TRMT1: variants seen among roughly 807,000 people sequenced by gnomAD.
TRMT1 encodes tRNA (guanine(26)-N(2))-dimethyltransferase.
Under a neutral mutation model 75.4 loss-of-function variants are expected in TRMT1, and 63 were observed. The ratio of observed to expected loss-of-function variants is 0.84; its 90% CI spans 0.68 to 1.03. The LOEUF (loss-of-function observed/expected upper bound fraction) is 1.03, where lower values mean the gene tolerates loss of function less well. Ranked by LOEUF, TRMT1 falls within the 50% of genes least tolerant of loss-of-function variation. The probability of loss-of-function intolerance (pLI) is 0.00; values close to 1 mark genes in which losing one functional copy is unlikely to be tolerated. For synonymous variants in TRMT1, 382 were observed against 358.1 expected, an observed-to-expected ratio of 1.07 and a Z score of -0.75; for missense variants, 870 against 905.3, an observed-to-expected ratio of 0.96 and a Z score of 0.50.
chr19:13,113,934 G>A (rs969920077), intron 5 of TRMT1, among the ~76,000 whole-genome samples: 1 of 151,888 alleles, frequency 6.6e-6, no homozygotes, highest in Non-Finnish European at 1.5e-5. Flanking sequence ...TTGTAGAGAC[G>A]GGTTTCACTG....
At position 13,109,294 on chromosome 19, in the gene TRMT1, G is replaced by C. The variant is rs570198898; in HGVS notation, c.1397+87C>G. On this transcript the variant is annotated intron_variant, in intron 12 of 16. Coordinates refer to ENST00000357720, the MANE Select transcript of TRMT1 (RefSeq NM_001136035.4). ...TGCACCGGGTTCTCCCCACCCCCTC[G>C]CAAGTTCTATGCATGAGAATCCCTG... The C allele has an allele frequency of 9.4e-6, 14 of 1,488,022 alleles. No individual in the cohort carries two copies. The Admixed American group carries it at 2.1e-4, about 23-fold the overall frequency. The allele number at this position is 1,488,022 out of a possible 1,614,324, so 92.2% of individuals were successfully genotyped here.
intron 7 of TRMT1, among the ~76,000 whole-genome samples, chr19:13,111,649 C>T (rs1324792183): frequency 2.7e-5 from 4 of 150,922 alleles, no homozygotes; most frequent in South Asian, 2.1e-4. Flanking sequence ...CCGCCCACCT[C>T]GGCCTCCCAG....
rs746480206 is a variant in TRMT1, at chr19:13,109,108, G to GTA, written c.1397+271_1397+272dup. Among the ~76,000 whole-genome samples, 5 of 149,816 alleles carry GTA rather than the reference G, an allele frequency of 3.3e-5. No individual in the cohort carries two copies. The East Asian group carries it at 9.7e-4, about 29-fold the overall frequency. The stretch of plus-strand genomic sequence containing the variant: ...TGGGTGTGTGTGTGTGTGTGTGTGT[G>GTA]TATACATACGTATGTATGTGTGTGT... On this transcript the variant is annotated intron_variant, in intron 12 of 16. Transcript: ENST00000357720.
At chr19:13,109,729 A>G (rs1195341267) in intron 10 of TRMT1, 40 bp downstream of exon 10, 2 of 1,614,052 alleles carry the variant, frequency 1.2e-6, no homozygotes, top group Admixed American at 1.7e-5. Flanking sequence ...ATGACCTTCA[A>G]GACCCTCTTG....
chr19:13,111,662 T>C (rs2019146224), intron 7 of TRMT1, among the ~76,000 whole-genome samples: 1 of 149,170 alleles, frequency 6.7e-6, no homozygotes, highest in Non-Finnish European at 1.5e-5. Flanking sequence ...CCTCCCAGAG[T>C]GCTGGGATTA....
chr19:13,105,308 C>T lies in TRMT1; in HGVS notation c.1792G>A (p.Ala598Thr), dbSNP rs1205481365. 6 of 1,613,934 alleles carry T rather than the reference C, an allele frequency of 3.7e-6. No homozygotes were observed. Among genetic ancestry groups the T allele is most frequent in the Non-Finnish European group, 5.1e-6 (6 of 1,180,036 alleles). Residue 598 changes from alanine to threonine, a missense_variant, in exon 16 of 17, where the codon GCT (alanine) becomes ACT (threonine). Physicochemically the swap from Ala to Thr is moderately conservative, Grantham distance 58. Coordinates refer to ENST00000357720, the MANE Select transcript of TRMT1 (RefSeq NM_001136035.4). ...KEPPEDVAQR[A>T]ARLKTFPCKR... is the part of the protein sequence containing the mutation. ...CAAGGAAATGTCTTGAGCCGGGCAG[C>T]CCGCTGGGCCACATCTTCCGGCGGC...
chr19:13,110,397 G>T, intron 7 of TRMT1, 91 bp from the exon 8 acceptor site: 1 of 1,415,216 alleles, frequency 7.1e-7, no homozygotes. Context: ...CAGGCTCAGG[G>T]CCAGCTCCCT....
At position 13,115,432 on chromosome 19, in the gene TRMT1, GAA is replaced by G; in HGVS notation, c.486_487del (p.Ser163ArgfsTer38). The stretch of plus-strand genomic sequence containing the variant: ...GGCAAATCGAATGGAACGTAGGCCT[GAA>G]GCTGCCAGGCCTTCCAGCACATGCA... On this transcript the variant is annotated frameshift_variant, in exon 5 of 17. Coordinates refer to ENST00000357720, the MANE Select transcript of TRMT1 (RefSeq NM_001136035.4). LOFTEE classifies it high-confidence loss of function. 6.2e-7 allele frequency: 1 copy of G among 1,613,862 alleles called. No individual in the cohort carries two copies. The highest frequency in any genetic ancestry group is 8.5e-7 in the Non-Finnish European group (1 of 1,179,942).
chr19:13,109,563 C>T lies in TRMT1; in HGVS notation c.1298G>A (p.Ser433Asn), dbSNP rs374806942. Residue 433 changes from serine (S) to asparagine (N), a missense_variant, in exon 11 of 17, where the codon AGC becomes AAC. Coordinates refer to ENST00000357720, the MANE Select transcript of TRMT1 (RefSeq NM_001136035.4). The part of the protein sequence containing the change: ...HTSERIRGVL[S>N]VITEELPDVP... Reference sequence around the variant, plus strand: ...CCCGGCTCTCACCTCAGTGATGACGCTCAGGACCCCTCGGATCCGCTCCGA... The same window carrying T: ...CCCGGCTCTCACCTCAGTGATGACGTTCAGGACCCCTCGGATCCGCTCCGA... The T allele has an allele frequency of 5.6e-6, 9 of 1,613,948 alleles. No individual in the cohort carries two copies. The African/African-American group carries it at 1.1e-4, about 19-fold the overall frequency.
At position 13,112,988 on chromosome 19, in the gene TRMT1, C is replaced by G. The variant is rs371933852; in HGVS notation, c.665G>C (p.Arg222Thr). Residue 222 changes from arginine to threonine, a missense_variant, in exon 6 of 17, where the codon AGG becomes ACG. By Grantham distance (71) the Arg-to-Thr change is moderately conservative. Coordinates refer to ENST00000357720, the MANE Select transcript of TRMT1 (RefSeq NM_001136035.4). Reference protein sequence around the residue: ...DARMLMYQHQRVSERFDVIDL... With the variant: ...DARMLMYQHQTVSERFDVIDL... ...GATGACGTCAAACCTCTCCGACACC[C>G]TCTGGTGCTGGTACATCAGCATCCT... 2 of 1,612,696 alleles carry G rather than the reference C, an allele frequency of 1.2e-6. No individual in the cohort carries two copies. Among genetic ancestry groups the G allele is most frequent in the Non-Finnish European group, 1.7e-6 (2 of 1,179,450 alleles).
At position 13,110,024 on chromosome 19, in the gene TRMT1, C is replaced by T. The variant is rs373883905; in HGVS notation, c.1020-23G>A. On this transcript the variant is annotated intron_variant, in intron 8 of 16. Coordinates refer to ENST00000357720, the MANE Select transcript of TRMT1 (RefSeq NM_001136035.4). ...TTGCTGTGGGGGGTACCAGTGGCCA[C>T]GAGTTCCCAGCGTGACCACGACACC... 313 of 1,612,674 alleles carry T rather than the reference C, an allele frequency of 1.9e-4. No individual in the cohort carries two copies. The Admixed American group carries it at 2.9e-3, about 15-fold the overall frequency.
Position 13,105,089 on chromosome 19 carries a change from G to T in TRMT1, c.1834-8C>A. On this transcript the variant is annotated splice_polypyrimidine_tract_variant and splice_region_variant and intron_variant, in intron 16 of 16. Transcript: ENST00000357720. ...CCCGCGTTGACAGGTGCCCTGGTGG[G>T]AAGATGGTGGGTGTGAACCCCTGCC... is the stretch of plus-strand genomic sequence containing the variant. The T allele has an allele frequency of 2.5e-6, 4 of 1,577,598 alleles. No individual in the cohort carries two copies. The highest frequency in any genetic ancestry group is 2.6e-6 in the Non-Finnish European group (3 of 1,160,776).
At chr19:13,105,674 C>CA in intron 14 of TRMT1, 68 bp from the exon 15 acceptor site, 1 of 1,470,564 alleles carries the variant, frequency 6.8e-7, no homozygotes, top group Non-Finnish European at 9.3e-7. Context: ...CCACTCCCCA[C>CA]AGGGCCTGTC....
intron 12 of TRMT1, 112 bp from the exon 13 acceptor site, chr19:13,107,971 A>G: frequency 1.7e-6 from 1 of 574,168 alleles, no homozygotes; most frequent in South Asian, 2.7e-5. Context: ...TACAGAGTTC[A>G]TTTCTTTTCT....
chr19:13,111,916 G>T (rs567394038), intron 7 of TRMT1, among the ~76,000 whole-genome samples: 2 of 144,360 alleles, frequency 1.4e-5, no homozygotes, highest in Admixed American at 7.1e-5. Context: ...AGCCAGGATG[G>T]TCTCAATCTC....
chr19:13,112,436 AGTT>A (rs997016318), intron 7 of TRMT1, among the ~76,000 whole-genome samples: 2 of 152,194 alleles, frequency 1.3e-5, no homozygotes, highest in African/African-American at 4.8e-5. Context: ...TTTTTTGAAA[AGTT>A]GTTTTAATAC....
chr19:13,107,476 C>T, intron 14 of TRMT1, 98 bp downstream of exon 14: 1 of 1,381,448 alleles, frequency 7.2e-7, no homozygotes, highest in African/African-American at 1.4e-5. Flanking sequence ...GAAGAATGGG[C>T]ACGAGTCTGT....
At chr19:13,112,472 A>G (rs1225762241) in intron 7 of TRMT1, among the ~76,000 whole-genome samples, 4 of 152,208 alleles carry the variant, frequency 2.6e-5, no homozygotes, top group African/African-American at 7.2e-5. Flanking sequence ...TAATGTGGCC[A>G]TGCACTCCTG....
At position 13,110,294 on chromosome 19, in the gene TRMT1, C is replaced by G. The variant is rs777390124; in HGVS notation, c.883G>C (p.Val295Leu). The G allele has an allele frequency of 1.9e-6, 3 of 1,601,714 alleles. No individual in the cohort carries two copies. In the Admixed American group the frequency reaches 5.2e-5, roughly 27 times the overall value. The change falls in exon 8 of 17, where the codon GTC becomes CTC. Residue 295 changes from valine (V) to leucine (L), a missense_variant. Coordinates refer to ENST00000357720, the MANE Select transcript of TRMT1 (RefSeq NM_001136035.4). ...RACHEMALRI[V>L]LHSLDLRANC... ...GCGCGGAGGTCCAGGCTGTGCAGGA[C>G]GATTCTCAGGGCCTGGGGGTGGGGG... is the stretch of plus-strand genomic sequence containing the variant.
Sources: gnomAD v4.1 joint callset for allele counts (sites outside exome capture counted in the v4.1 genomes callset) on GRCh38, gnomAD v4.1.1 for gene constraint, MANE v1.5 for transcripts, NCBI Gene and HGNC (gene_info 2026-07-23, HGNC 2026-07-21) for gene names.